PCCA: variants seen among roughly 807,000 people sequenced by gnomAD.
The protein encoded by PCCA is propionyl-CoA carboxylase subunit alpha, also known as propionyl-CoA carboxylase alpha chain, mitochondrial.
PCCA carries 74 observed loss-of-function variants against 101.3 expected under a neutral mutation model. The ratio of observed to expected loss-of-function variants is 0.73; its 90% CI spans 0.61 to 0.89. PCCA has a LOEUF of 0.89. Among genes scored for constraint, PCCA ranks in the 40% least tolerant of loss-of-function variants. The pLI, the probability that PCCA is intolerant of heterozygous loss-of-function variation, is 0.00. For missense variants in PCCA, 891 were observed against 907.0 expected, an observed-to-expected ratio of 0.98 and a Z score of 0.23; for synonymous variants, 294 against 313.6, an observed-to-expected ratio of 0.94 and a Z score of 0.66.
At chr13:100,142,373 G>A (rs2051979294) in intron 4 of PCCA, among the ~76,000 whole-genome samples, 2 of 151,848 alleles carry the variant, frequency 1.3e-5, no homozygotes, top group East Asian at 3.9e-4. Flanking sequence ...TGCCAGGTAG[G>A]GTGTCTTTAA....
At chr13:100,420,600 A>T (rs996453460) in intron 19 of PCCA, among the ~76,000 whole-genome samples, 1 of 152,154 alleles carries the variant, frequency 6.6e-6, no homozygotes, top group Non-Finnish European at 1.5e-5. Flanking sequence ...GACATTAACC[A>T]TCTAAATACA....
intron 21 of PCCA, among the ~76,000 whole-genome samples, chr13:100,483,513 C>G (rs1310372737): frequency 6.6e-6 from 1 of 152,190 alleles, no homozygotes; most frequent in Non-Finnish European, 1.5e-5. Context: ...CTTCCCCAGG[C>G]AAAGACTCTT....
intron 17 of PCCA, among the ~76,000 whole-genome samples, chr13:100,336,131 A>G (rs1196805410): frequency 6.6e-6 from 1 of 152,110 alleles, no homozygotes; most frequent in Admixed American, 6.5e-5. Flanking sequence ...GCATGGTGGC[A>G]TGTGCATGTA....
chr13:100,165,960 A>T (rs1423838430), intron 6 of PCCA, among the ~76,000 whole-genome samples: 2 of 152,218 alleles, frequency 1.3e-5, no homozygotes, highest in Non-Finnish European at 2.9e-5. Context: ...TTTCCAAGAA[A>T]GCCTTATTGA....
chr13:100,524,746 C>G (rs1012156267), intron 22 of PCCA, among the ~76,000 whole-genome samples: 1 of 152,026 alleles, frequency 6.6e-6, no homozygotes, highest in African/African-American at 2.4e-5. Flanking sequence ...GTGGTGCACA[C>G]CTGTATTCCC....
At chr13:100,206,590 T>C (rs2058867534) in intron 6 of PCCA, among the ~76,000 whole-genome samples, 1 of 152,202 alleles carries the variant, frequency 6.6e-6, no homozygotes, top group South Asian at 2.1e-4. Flanking sequence ...TCAAGACTTC[T>C]GGAGAGTGGA....
At chr13:100,381,177 G>A (rs2076203319) in intron 19 of PCCA, among the ~76,000 whole-genome samples, 1 of 152,206 alleles carries the variant, frequency 6.6e-6, no homozygotes, top group African/African-American at 2.4e-5. Flanking sequence ...GAGGTCAGGA[G>A]ATGGAGACTG....
chr13:100,350,244 G>A (rs934139598), intron 18 of PCCA, among the ~76,000 whole-genome samples: 11 of 151,988 alleles, frequency 7.2e-5, no homozygotes, highest in Non-Finnish European at 1.3e-4. Flanking sequence ...ACATTTATAC[G>A]TCAATGAAAA....
chr13:100,339,109 C>T (rs1357014903), intron 17 of PCCA, among the ~76,000 whole-genome samples: 5 of 152,050 alleles, frequency 3.3e-5, no homozygotes, highest in Admixed American at 1.3e-4. Flanking sequence ...ATAACTTAGA[C>T]ATATCCTCCC....
chr13:100,391,528 C>A (rs1340794703), intron 19 of PCCA, among the ~76,000 whole-genome samples: 1 of 152,102 alleles, frequency 6.6e-6, no homozygotes, highest in Non-Finnish European at 1.5e-5. Context: ...GGGTATCAAT[C>A]CATGTGGTCA....
chr13:100,326,290 G>A (rs1009397940), intron 16 of PCCA, among the ~76,000 whole-genome samples: 1 of 152,156 alleles, frequency 6.6e-6, no homozygotes, highest in East Asian at 1.9e-4. Flanking sequence ...CACCACACCC[G>A]AGGAATTAAC....
intron 4 of PCCA, among the ~76,000 whole-genome samples, chr13:100,122,746 T>G (rs2049536317): frequency 6.6e-6 from 1 of 152,202 alleles, no homozygotes; most frequent in East Asian, 1.9e-4. Context: ...TGTCATAGTC[T>G]GGGTGGCTTA....
At chr13:100,242,999 C>T (rs767365192) in intron 8 of PCCA, among the ~76,000 whole-genome samples, 12 of 152,122 alleles carry the variant, frequency 7.9e-5, no homozygotes, top group Non-Finnish European at 1.8e-4. Flanking sequence ...TGGGTTCAAG[C>T]GATTCATCTG....
At chr13:100,460,718 A>G (rs2082110727) in intron 21 of PCCA, among the ~76,000 whole-genome samples, 1 of 152,232 alleles carries the variant, frequency 6.6e-6, no homozygotes, top group Non-Finnish European at 1.5e-5. Context: ...TAAGAATGCT[A>G]TTAATATGAC....
chr13:100,422,877 A>AT (rs534135849), intron 19 of PCCA, among the ~76,000 whole-genome samples: 4 of 141,972 alleles, frequency 2.8e-5, no homozygotes, highest in African/African-American at 5.3e-5. Flanking sequence ...TTTTATTTTT[A>AT]TTTTTTTAAG....
At chr13:100,140,597 A>G (rs118155705) in intron 4 of PCCA, among the ~76,000 whole-genome samples, 2,512 of 152,270 alleles carry the variant, frequency 0.016, 26 homozygotes, top group South Asian at 0.032. Context: ...TGGGAGGAAA[A>G]GAAAATGATA....
intron 7 of PCCA, among the ~76,000 whole-genome samples, chr13:100,216,795 T>G (rs2059547247): frequency 6.6e-6 from 1 of 152,174 alleles, no homozygotes; most frequent in Non-Finnish European, 1.5e-5. Context: ...AAGGAAAATA[T>G]GGAGAAAATA....
chr13:100,251,498 A>G (rs1374111816), intron 8 of PCCA, among the ~76,000 whole-genome samples: 2 of 152,232 alleles, frequency 1.3e-5, no homozygotes, highest in African/African-American at 4.8e-5. Flanking sequence ...CACTGCAGAA[A>G]CAACAAAGAA....
chr13:100,456,623 A>AT (rs1555302505), intron 21 of PCCA, among the ~76,000 whole-genome samples: 1 of 150,018 alleles, frequency 6.7e-6, no homozygotes, highest in Non-Finnish European at 1.5e-5. Context: ...ATCGTAGAAC[A>AT]GGGGGGCCCT....
Sources: gnomAD v4.1 joint callset for allele counts (sites outside exome capture counted in the v4.1 genomes callset) on GRCh38, gnomAD v4.1.1 for gene constraint, MANE v1.5 for transcripts, NCBI Gene and HGNC (gene_info 2026-07-23, HGNC 2026-07-21) for gene names.